PTCH1: variants seen among roughly 807,000 people sequenced by gnomAD.
PTCH1 encodes the protein protein patched homolog 1.
In PTCH1, 14 loss-of-function variants were observed where a neutral mutation model predicts 144.6. The observed-to-expected ratio is 0.10, with a 90% CI of 0.06 to 0.15. PTCH1 has a LOEUF of 0.15. PTCH1 is among the 10% of genes least tolerant of loss of function. PTCH1 has a pLI of 1.00. For missense variants in PTCH1, 1,623 were observed against 1,948.3 expected (o/e 0.83, Z 3.14); for synonymous variants, 833 against 793.6 (o/e 1.05, Z -0.83).
At chr9:95,447,490 A>T in intron 22 of PTCH1, 39 bp from the exon 23 acceptor site, 2 of 1,510,390 alleles carry the variant, frequency 1.3e-6, no homozygotes, top group Non-Finnish European at 8.8e-7. Flanking sequence ...GTGGTATCCC[A>T]GGCTGGGCAT....
At chr9:95,478,222 A>G (rs1237280074) in intron 8 of PTCH1, 36 bp from the exon 9 acceptor site, 19 of 1,613,912 alleles carry the variant, frequency 1.2e-5, no homozygotes, top group Non-Finnish European at 1.5e-5. Flanking sequence ...GCCCAAATGC[A>G]ATGAACACTT....
At position 95,476,097 on chromosome 9, in the gene PTCH1, A is replaced by G. The variant is rs1805155; in HGVS notation, c.1665T>C (p.Asn555=). 172,357 of 1,613,586 alleles carry G rather than the reference A, an allele frequency of 0.11. 9,731 individuals carry two copies. The highest frequency in any genetic ancestry group is 0.18 in the African/African-American group (13,311 of 74,968). ...ACGCGGCCATGAAGAAGGCTGTGACATTGCTGATGGACGTGAGGGCCACGC... is the reference window on the plus strand; with the variant it reads ...ACGCGGCCATGAAGAAGGCTGTGACGTTGCTGATGGACGTGAGGGCCACGC... ...GASVALTSIS[N]VTAFFMAALI... Residue 555 remains asparagine (N), a synonymous_variant, in exon 12 of 24, where the codon AAT becomes AAC. Coordinates refer to ENST00000331920, the MANE Select transcript of PTCH1 (RefSeq NM_000264.5). The surrounding 1 kb of genome is among the most constrained non-coding windows in gnomAD (Gnocchi z 4.6).
Position 95,476,714 on chromosome 9 carries a change from A to C in PTCH1, c.1602+45T>G. 6.6e-7 allele frequency: 1 copy of C among 1,523,170 alleles called. No individual in the cohort carries two copies. The highest frequency in any genetic ancestry group is 9.1e-7 in the Non-Finnish European group (1 of 1,104,068). The allele number at this position is 1,523,170 out of a possible 1,614,324, so 94.4% of individuals were successfully genotyped here. A position where few individuals can be genotyped will look rare whatever the true frequency, so the allele number is the denominator to read the frequency against. On this transcript the variant is annotated intron_variant, in intron 11 of 23. Transcript: ENST00000331920. This position sits in a 1 kb window ranked among gnomAD's most constrained non-coding sequence, Gnocchi z 4.6. ...AAGGACAAATACTTAGGAACAGAGG[A>C]AGCTGTGATGTCCCCAAAGCTCTCT...
intron 8 of PTCH1, among the ~76,000 whole-genome samples, chr9:95,478,490 A>C (rs1841267211): frequency 1.3e-5 from 2 of 152,198 alleles, no homozygotes; most frequent in South Asian, 4.1e-4. Flanking sequence ...CTTCTCCGTT[A>C]ACTTCACAAT....
At chr9:95,478,276 C>G in intron 8 of PTCH1, 90 bp from the exon 9 acceptor site, 1 of 1,580,148 alleles carries the variant, frequency 6.3e-7, no homozygotes, top group Non-Finnish European at 8.7e-7. Flanking sequence ...ACAGCGCAGC[C>G]CTTCTTTTTT....
chr9:95,504,752 C>T (rs1362292824), intron 2 of PTCH1, among the ~76,000 whole-genome samples: 1 of 152,250 alleles, frequency 6.6e-6, no homozygotes, highest in Middle Eastern at 3.4e-3. Flanking sequence ...CAGTTCTCTC[C>T]CCCCACCCCC....
In PTCH1 at chr9:95,449,804, C is replaced by T. The variant is rs377570573; in HGVS notation, c.3549+37G>A. On this transcript the variant is annotated intron_variant, in intron 21 of 23. Coordinates refer to ENST00000331920, the MANE Select transcript of PTCH1 (RefSeq NM_000264.5). This position sits in a 1 kb window ranked among gnomAD's most constrained non-coding sequence, Gnocchi z 5.3. Reference sequence around the variant, plus strand: ...CGGCACAGGAAACACAGCATTCAGCCGGCCTACACGTGGGACATCCCCGTG... The same window carrying T: ...CGGCACAGGAAACACAGCATTCAGCTGGCCTACACGTGGGACATCCCCGTG... 60 of 1,551,560 alleles carry T rather than the reference C, an allele frequency of 3.9e-5. No individual in the cohort carries two copies. In the East Asian group the frequency reaches 8.5e-4, roughly 22 times the overall value.
intron 2 of PTCH1, among the ~76,000 whole-genome samples, chr9:95,505,870 C>T (rs1362560656): frequency 2.0e-5 from 3 of 149,082 alleles, no homozygotes; most frequent in African/African-American, 7.3e-5. Flanking sequence ...GCCTCCGCAG[C>T]CCCGCGCTGC....
intron 2 of PTCH1, among the ~76,000 whole-genome samples, chr9:95,489,600 C>T (rs1194712128): frequency 6.6e-6 from 1 of 152,202 alleles, no homozygotes; most frequent in Non-Finnish European, 1.5e-5. Context: ...AATCCTCCTG[C>T]CTTGGCCTCC....
intron 1 of PTCH1, chr9:95,514,636 G>T (rs1356399540): frequency 1.5e-5 from 2 of 137,296 alleles, no homozygotes; most frequent in Admixed American, 6.9e-5. Flanking sequence ...GTGTGTGTGT[G>T]TGTGTGTGTG....
chr9:95,476,631 G>A lies in PTCH1; in HGVS notation c.1602+128C>T, dbSNP rs535642629. ...AGCTTATTTCATTGACTGGCAGCCA[G>A]TGACACATCATCTGACATGGGACTG... On this transcript the variant is annotated intron_variant, in intron 11 of 23. Coordinates refer to ENST00000331920, the MANE Select transcript of PTCH1 (RefSeq NM_000264.5). This position sits in a 1 kb window ranked among gnomAD's most constrained non-coding sequence, Gnocchi z 4.6. 35 of 898,482 alleles carry A rather than the reference G, an allele frequency of 3.9e-5. No individual in the cohort carries two copies. In the East Asian group the frequency reaches 8.4e-4, roughly 22 times the overall value. The allele number at this position is 898,482 out of a possible 1,614,324, so 55.7% of individuals were successfully genotyped here. A position where few individuals can be genotyped will look rare whatever the true frequency, so the allele number is the denominator to read the frequency against.
chr9:95,490,536 CACACACACACACACACACACAA>C (rs1416498723), intron 2 of PTCH1, among the ~76,000 whole-genome samples: 1 of 151,566 alleles, frequency 6.6e-6, no homozygotes. Context: ...CACACACACA[CACACACACACACACACACACAA>C]AAGAAAGATA....
chr9:95,445,738 A>G lies in PTCH1; in HGVS notation c.*655T>C, dbSNP rs1293631442. On this transcript the variant is annotated 3_prime_UTR_variant, in exon 24 of 24. Transcript: ENST00000331920. ...AGAAACAAAACAAGACAAAAAAAAAATCACAGTACAGTACATGGTGAACTC... is the reference window on the plus strand; with the variant it reads ...AGAAACAAAACAAGACAAAAAAAAAGTCACAGTACAGTACATGGTGAACTC... 2 of 153,010 alleles carry G rather than the reference A, an allele frequency of 1.3e-5. No homozygotes were observed. Among genetic ancestry groups the G allele is most frequent in the East Asian group, 3.9e-4 (2 of 5,192 alleles). The allele number at this position is 153,010 out of a possible 1,614,324, so 9.5% of individuals were successfully genotyped here. A position where few individuals can be genotyped will look rare whatever the true frequency, so the allele number is the denominator to read the frequency against.
intron 1 of PTCH1, chr9:95,516,394 T>A (rs1343460856): frequency 8.5e-7 from 1 of 1,182,652 alleles, no homozygotes; most frequent in African/African-American, 1.6e-5. Flanking sequence ...CGCGTCCCCG[T>A]GTCCCCGCGC....
In PTCH1 at chr9:95,508,490, T is replaced by G. The variant is rs561666379; in HGVS notation, c.-129A>C. ...TGCGAGGACGCTGCTGGCCGCAGGC[T>G]GCTCGGGCTCGGGCTCCGGTTGACA... On this transcript the variant is annotated 5_prime_UTR_variant, in exon 1 of 24. Transcript: ENST00000331920. The G allele has an allele frequency of 3.1e-5, 32 of 1,020,416 alleles. No homozygotes were observed. Among genetic ancestry groups the G allele is most frequent in the African/African-American group, 3.4e-5 (2 of 58,000 alleles). The allele number at this position is 1,020,416 out of a possible 1,614,324, so 63.2% of individuals were successfully genotyped here.
rs1588517717 is a variant in PTCH1, at chr9:95,449,273, T to G, written c.3600A>C (p.Pro1200=). ...TGGCGAAGCGGACCACGCTGGGGGG[T>G]GGCTCAGGGGAGGGTGTGGGCAGGC... ...LNRLPTPSPE[P]PPSVVRFAMP... Residue 1200 remains proline, a synonymous_variant, in exon 22 of 24, where the codon CCA becomes CCC. Transcript: ENST00000331920. This position sits in a 1 kb window ranked among gnomAD's most constrained non-coding sequence, Gnocchi z 5.3. 6.4e-7 allele frequency: 1 copy of G among 1,562,496 alleles called. No individual in the cohort carries two copies. The highest frequency in any genetic ancestry group is 1.4e-5 in the African/African-American group (1 of 73,892).
At chr9:95,481,319 G>C (rs1473164242) in intron 5 of PTCH1, among the ~76,000 whole-genome samples, 1 of 152,240 alleles carries the variant, frequency 6.6e-6, no homozygotes, top group Non-Finnish European at 1.5e-5. Flanking sequence ...TGCTTTTGCA[G>C]ATATGTGCAA....
At chr9:95,481,118 C>A (rs1444880089) in intron 5 of PTCH1, among the ~76,000 whole-genome samples, 1 of 152,230 alleles carries the variant, frequency 6.6e-6, no homozygotes, top group Non-Finnish European at 1.5e-5. Context: ...CTTCCCCCCA[C>A]ACTCACTTTT....
At chr9:95,489,967 A>AT (rs570275513) in intron 2 of PTCH1, among the ~76,000 whole-genome samples, 1,868 of 150,378 alleles carry the variant, frequency 0.012, 28 homozygotes, top group East Asian at 0.033. Context: ...GGCCTGGCTA[A>AT]TTTTTTTTGT....
Sources: allele counts gnomAD v4.1 joint callset (sites outside exome capture counted in the v4.1 genomes callset), GRCh38; gene constraint gnomAD v4.1.1; non-coding constraint Gnocchi (gnomAD v3.1); transcripts MANE v1.5; gene names NCBI Gene and HGNC (gene_info 2026-07-23, HGNC 2026-07-21).